Variants in GPNMB observed in about 807,000 individuals in gnomAD.
GPNMB encodes glycoprotein nmb.
A neutral mutation model predicts 57.3 loss-of-function variants in GPNMB; 71 were observed. That is an observed-to-expected ratio of 1.24 (90% CI 1.02 to 1.51). The LOEUF is 1.51. Among genes scored for constraint, GPNMB ranks in the 40% most tolerant of loss-of-function variants. The pLI is 0.00. For missense variants in GPNMB, 677 were observed against 691.9 expected, an observed-to-expected ratio of 0.98 and a Z score of 0.24; for synonymous variants, 253 against 263.2, an observed-to-expected ratio of 0.96 and a Z score of 0.38.
chr7:23,264,357 T>C (rs1783007191), intron 6 of GPNMB, among the ~76,000 whole-genome samples: 1 of 151,990 alleles, frequency 6.6e-6, no homozygotes, highest in South Asian at 2.1e-4. Context: ...CGAAGCTCCA[T>C]ATGCTTTTTT....
At chr7:23,272,846 C>CTTTTTTTTTTTTTTTTTTTTTTTTTTTTT (rs34346503) in intron 9 of GPNMB, among the ~76,000 whole-genome samples, 3 of 139,642 alleles carry the variant, frequency 2.1e-5, no homozygotes, top group African/African-American at 8.2e-5. Context: ...AGGTGGTGAT[C>CTTTTTTTTTTTTTTTTTTTTTTTTTTTTT]TTTTTTTTTT....
chr7:23,263,440 C>T (rs549825031), intron 6 of GPNMB, among the ~76,000 whole-genome samples: 9 of 151,884 alleles, frequency 5.9e-5, no homozygotes, highest in African/African-American at 1.2e-4. Context: ...GGTGAAACCC[C>T]GTCTCTACCG....
intron 3 of GPNMB, 109 bp from the exon 4 acceptor site, chr7:23,256,783 T>C (rs1170050081): frequency 2.5e-6 from 2 of 814,742 alleles, no homozygotes; most frequent in Non-Finnish European, 4.0e-6. Flanking sequence ...CTAACTACTT[T>C]TAAACTAGTT....
At chr7:23,250,807 C>G (rs1014851976) in intron 1 of GPNMB, 3 of 152,130 alleles carry the variant, frequency 2.0e-5, no homozygotes, top group Non-Finnish European at 4.4e-5. Flanking sequence ...AAGAACTTGT[C>G]CTTGTCCTGG....
intron 9 of GPNMB, among the ~76,000 whole-genome samples, chr7:23,272,719 C>T (rs755350964): frequency 6.6e-6 from 1 of 152,198 alleles, no homozygotes; most frequent in Non-Finnish European, 1.5e-5. Flanking sequence ...CCCTGAGCAT[C>T]TACTCCATGC....
In GPNMB at chr7:23,256,999, G is replaced by A; in HGVS notation, c.475G>A (p.Gly159Arg). 3 of 1,614,104 alleles carry A rather than the reference G, an allele frequency of 1.9e-6. No homozygotes were observed. Among genetic ancestry groups the A allele is most frequent in the Non-Finnish European group, 1.7e-6 (2 of 1,179,944 alleles). Residue 159 changes from glycine (G) to arginine (R), a missense_variant, in exon 4 of 11, where the codon GGG becomes AGG. Transcript: ENST00000258733. ...AAGCCATCATAACGTCTTCCCTGAT[G>A]GGAAACCTTTTCCTCACCACCCCGG... ...GQSHHNVFPD[G>R]KPFPHHPGWR...
Position 23,270,111 on chromosome 7 carries a change from C to A in GPNMB, c.1365C>A (p.Asn455Lys), listed in dbSNP as rs1295253849. 4 of 1,614,006 alleles carry A rather than the reference C, an allele frequency of 2.5e-6. No individual in the cohort carries two copies. The African/African-American group carries it at 4.0e-5, about 16-fold the overall frequency. Residue 455 changes from asparagine (N) to lysine (K), a missense_variant, in exon 9 of 11, where the codon AAC becomes AAA. Transcript: ENST00000258733. ...ATGGGTCTGGGACGTACTGTGTGAA[C>A]CTCACCCTGGGGGATGACACAAGCC... Reference protein sequence around the residue: ...TFNGSGTYCVNLTLGDDTSLA... With the variant: ...TFNGSGTYCVKLTLGDDTSLA...
chr7:23,265,053 T>C (rs113093941), intron 6 of GPNMB, among the ~76,000 whole-genome samples: 5,518 of 152,302 alleles, frequency 0.036, 297 homozygotes, highest in African/African-American at 0.12. Context: ...GCTGCCACAG[T>C]TCTTCCTGCT....
chr7:23,248,568 C>T (rs1212601839), intron 1 of GPNMB, among the ~76,000 whole-genome samples: 1 of 152,074 alleles, frequency 6.6e-6, no homozygotes, highest in African/African-American at 2.4e-5. Flanking sequence ...CCATTCGTAG[C>T]CCTGAAGGAA....
chr7:23,272,690 C>T (rs951771922), intron 9 of GPNMB, among the ~76,000 whole-genome samples: 7 of 152,100 alleles, frequency 4.6e-5, no homozygotes, highest in Non-Finnish European at 1.0e-4. Flanking sequence ...GAAGCACCTG[C>T]AATTCTTTCA....
intron 6 of GPNMB, chr7:23,266,238 T>G (rs535193557): frequency 2.6e-6 from 1 of 389,616 alleles, no homozygotes; most frequent in African/African-American, 2.1e-5. Context: ...CATGAGCCAC[T>G]GCACCCGGCC....
chr7:23,259,768 G>C (rs1349135027), intron 4 of GPNMB, among the ~76,000 whole-genome samples: 5 of 152,026 alleles, frequency 3.3e-5, no homozygotes, highest in Admixed American at 1.3e-4. Context: ...TTAACCAACT[G>C]TATACAATTA....
Position 23,274,204 on chromosome 7 carries a change from G to GA in GPNMB, c.1665dup (p.Phe556IlefsTer2). 6.2e-7 allele frequency: 1 copy of GA among 1,612,158 alleles called. No homozygotes were observed. The highest frequency in any genetic ancestry group is 8.5e-7 in the Non-Finnish European group (1 of 1,179,490). On this transcript the variant is annotated frameshift_variant, in exon 11 of 11. Coordinates refer to ENST00000258733, the MANE Select transcript of GPNMB (RefSeq NM_002510.3). LOFTEE classifies it high-confidence loss of function. The stretch of plus-strand genomic sequence containing the variant: ...AAAGGATCCGCTACTCAAAAACCAA[G>GA]AATTTAAAGGAGTTTCTTAAATTTC...
intron 8 of GPNMB, among the ~76,000 whole-genome samples, chr7:23,268,624 A>G (rs932715831): frequency 6.6e-6 from 1 of 152,242 alleles, no homozygotes; most frequent in East Asian, 1.9e-4. Flanking sequence ...TTTGCATATA[A>G]TATATAAATT....
chr7:23,267,897 G>C lies in GPNMB; in HGVS notation c.1129G>C (p.Glu377Gln), dbSNP rs370506567. The C allele has an allele frequency of 6.2e-7, 1 of 1,607,916 alleles. No individual in the cohort carries two copies. The highest frequency in any genetic ancestry group is 1.3e-5 in the African/African-American group (1 of 74,794). ...ATITIVEGILEVNIIQMTDVL... is the reference protein window; with the variant it reads ...ATITIVEGILQVNIIQMTDVL... ...GGTTATTTTGTTAGAGGGAATCTTA[G>C]AGGTTAACATCATCCAGATGACAGA... Residue 377 changes from glutamate (E) to glutamine (Q), a missense_variant, in exon 8 of 11, where the codon GAG (glutamate) becomes CAG (glutamine). Glu to Gln is a conservative substitution (Grantham distance 29). Coordinates refer to ENST00000258733, the MANE Select transcript of GPNMB (RefSeq NM_002510.3).
In GPNMB at chr7:23,270,022, A is replaced by C; in HGVS notation, c.1276A>C (p.Asn426His). The part of the protein sequence containing the change: ...ISDPTCEITQ[N>H]TVCSPVDVDE... ...TGACCCCACCTGCGAGATCACCCAGAACACAGTCTGCAGCCCTGTGGATGT... is the reference window on the plus strand; with the variant it reads ...TGACCCCACCTGCGAGATCACCCAGCACACAGTCTGCAGCCCTGTGGATGT... Residue 426 changes from asparagine to histidine, a missense_variant, in exon 9 of 11, where the codon AAC becomes CAC. By Grantham distance (68) the Asn-to-His change is moderately conservative. Coordinates refer to ENST00000258733, the MANE Select transcript of GPNMB (RefSeq NM_002510.3). 1.9e-6 allele frequency: 3 copies of C among 1,614,094 alleles called. No homozygotes were observed. The highest frequency in any genetic ancestry group is 1.7e-6 in the Non-Finnish European group (2 of 1,180,002).
chr7:23,271,874 A>G (rs1489233335), intron 9 of GPNMB, among the ~76,000 whole-genome samples: 1 of 152,244 alleles, frequency 6.6e-6, no homozygotes, highest in African/African-American at 2.4e-5. Context: ...AATCCCATTA[A>G]AAGAAGAGAT....
chr7:23,267,847 G>A (rs757113692), intron 7 of GPNMB, 39 bp from the exon 8 acceptor site: 2 of 1,269,584 alleles, frequency 1.6e-6, no homozygotes, highest in East Asian at 4.6e-5. Flanking sequence ...GATTTCTGTT[G>A]TATTTTGATG....
chr7:23,260,906 A>AT, intron 6 of GPNMB, 133 bp downstream of exon 6: 4 of 645,634 alleles, frequency 6.2e-6, no homozygotes, highest in Non-Finnish European at 9.6e-6. Context: ...CTACCTGTTG[A>AT]TTTTTTAAAG....
Sources: gnomAD v4.1 joint callset for allele counts (sites outside exome capture counted in the v4.1 genomes callset) on GRCh38, gnomAD v4.1.1 for gene constraint, MANE v1.5 for transcripts, NCBI Gene and HGNC (gene_info 2026-07-23, HGNC 2026-07-21) for gene names.